The following CNTNAP2 variants were observed in gnomAD, a reference collection of about 807,000 sequenced individuals.
CNTNAP2 encodes contactin-associated protein-like 2.
Under a neutral mutation model 155.2 loss-of-function variants are expected in CNTNAP2, and 98 were observed. The ratio of observed to expected loss-of-function variants is 0.63; its 90% CI spans 0.54 to 0.75. The LOEUF (loss-of-function observed/expected upper bound fraction) is 0.75. CNTNAP2 is among the 30% of genes least tolerant of loss of function. CNTNAP2 has a pLI of 0.00. For missense variants in CNTNAP2, 1,727 were observed against 1,688.1 expected (o/e 1.02, Z -0.40); for synonymous variants, 651 against 631.2 (o/e 1.03, Z -0.47).
chr7:146,478,120 G>A (rs1001084021), intron 1 of CNTNAP2, among the ~76,000 whole-genome samples: 1 of 152,122 alleles, frequency 6.6e-6, no homozygotes, highest in African/African-American at 2.4e-5. Flanking sequence ...TGGAGGTTTA[G>A]TCTGAGTTTG....
chr7:147,639,064 CAT>C, intron 12 of CNTNAP2, 40 bp from the exon 13 acceptor site: 1 of 1,580,734 alleles, frequency 6.3e-7, no homozygotes, highest in Non-Finnish European at 8.7e-7. Flanking sequence ...GAAGCATTTG[CAT>C]ACTAATGATC....
At chr7:146,555,367 C>T (rs1302986681) in intron 1 of CNTNAP2, among the ~76,000 whole-genome samples, 1 of 151,700 alleles carries the variant, frequency 6.6e-6, no homozygotes, top group Non-Finnish European at 1.5e-5. Context: ...CTAATCTAAT[C>T]TTTTATTCTA....
At chr7:147,556,184 G>A (rs146667757) in intron 11 of CNTNAP2, among the ~76,000 whole-genome samples, 63 of 152,138 alleles carry the variant, frequency 4.1e-4, no homozygotes, top group Middle Eastern at 3.4e-3. Flanking sequence ...TCATTCTTCC[G>A]TCTTTCTTTA....
chr7:147,148,494 A>G (rs909141065), intron 8 of CNTNAP2, among the ~76,000 whole-genome samples: 6 of 152,222 alleles, frequency 3.9e-5, no homozygotes, highest in Admixed American at 2.0e-4. Context: ...CAGAAGTCCT[A>G]TGACTTGTAA....
At chr7:148,138,386 T>C (rs1456435467) in intron 16 of CNTNAP2, among the ~76,000 whole-genome samples, 1 of 152,188 alleles carries the variant, frequency 6.6e-6, no homozygotes, top group Non-Finnish European at 1.5e-5. Flanking sequence ...TTTTATTACC[T>C]CCTTTGGATG....
At chr7:148,175,979 C>G (rs1794926981) in intron 18 of CNTNAP2, among the ~76,000 whole-genome samples, 1 of 152,108 alleles carries the variant, frequency 6.6e-6, no homozygotes, top group African/African-American at 2.4e-5. Flanking sequence ...CTTTCCCTCT[C>G]TCCCTTTCTT....
chr7:148,252,415 C>A (rs1189172347), intron 20 of CNTNAP2, among the ~76,000 whole-genome samples: 1 of 152,164 alleles, frequency 6.6e-6, no homozygotes, highest in Non-Finnish European at 1.5e-5. Context: ...ATCTGAAGTC[C>A]TCCCTGGGAT....
At chr7:148,190,059 A>C (rs1795180187) in intron 18 of CNTNAP2, 1 of 152,220 alleles carries the variant, frequency 6.6e-6, no homozygotes, top group Non-Finnish European at 1.5e-5. Context: ...CGTGATATCT[A>C]GTTTTCCTCT....
chr7:147,858,271 G>A (rs539044431), intron 13 of CNTNAP2, among the ~76,000 whole-genome samples: 4 of 151,982 alleles, frequency 2.6e-5, no homozygotes, highest in Non-Finnish European at 5.9e-5. Flanking sequence ...ATTCTTAGTA[G>A]AGACAGGGTT....
chr7:146,463,639 C>T (rs997306190), intron 1 of CNTNAP2, among the ~76,000 whole-genome samples: 7 of 151,218 alleles, frequency 4.6e-5, no homozygotes, highest in African/African-American at 1.5e-4. Flanking sequence ...TGTATGAATA[C>T]GAGTAATATA....
At chr7:147,467,598 G>A (rs188847793) in intron 10 of CNTNAP2, among the ~76,000 whole-genome samples, 128 of 152,226 alleles carry the variant, frequency 8.4e-4, no homozygotes, top group African/African-American at 2.9e-3. Context: ...TTTGGGCGAC[G>A]GATACATTAA....
chr7:147,553,281 A>G (rs1402379060), intron 11 of CNTNAP2, among the ~76,000 whole-genome samples: 1 of 152,184 alleles, frequency 6.6e-6, no homozygotes, highest in South Asian at 2.1e-4. Context: ...GATGCAGCCA[A>G]TGGAAAAAAG....
At chr7:148,402,477 A>G (rs1799609392) in intron 22 of CNTNAP2, among the ~76,000 whole-genome samples, 1 of 152,232 alleles carries the variant, frequency 6.6e-6, no homozygotes, top group African/African-American at 2.4e-5. Context: ...ATCCTCTCTT[A>G]AAATAAAACA....
intron 1 of CNTNAP2, among the ~76,000 whole-genome samples, chr7:146,683,383 G>C (rs1210502285): frequency 6.6e-6 from 1 of 152,082 alleles, no homozygotes; most frequent in Admixed American, 6.6e-5. Context: ...GGGAATCCTT[G>C]TTGCTTAATA....
At chr7:146,519,910 G>A (rs1797593516) in intron 1 of CNTNAP2, among the ~76,000 whole-genome samples, 1 of 151,740 alleles carries the variant, frequency 6.6e-6, no homozygotes, top group South Asian at 2.1e-4. Flanking sequence ...TAGCCTCTCT[G>A]AGGAATTCAG....
At chr7:147,920,805 CTTTTTT>C (rs1219556681) in intron 14 of CNTNAP2, among the ~76,000 whole-genome samples, 1 of 100,654 alleles carries the variant, frequency 9.9e-6, no homozygotes, top group East Asian at 2.7e-4. Context: ...CTGCTCCTGT[CTTTTTT>C]TTTTTTTTTT....
At chr7:147,623,691 A>G (rs1471060403) in intron 12 of CNTNAP2, among the ~76,000 whole-genome samples, 1 of 152,042 alleles carries the variant, frequency 6.6e-6, no homozygotes, top group African/African-American at 2.4e-5. Flanking sequence ...AGTGATCTAT[A>G]GATTCAGTGT....
At chr7:148,303,570 T>G (rs1355751520) in intron 21 of CNTNAP2, among the ~76,000 whole-genome samples, 1 of 152,216 alleles carries the variant, frequency 6.6e-6, no homozygotes, top group African/African-American at 2.4e-5. Context: ...AAGCTGAGAA[T>G]GCAATAGTGA....
At chr7:148,187,516 A>G (rs1332163504) in intron 18 of CNTNAP2, among the ~76,000 whole-genome samples, 1 of 152,216 alleles carries the variant, frequency 6.6e-6, no homozygotes, top group East Asian at 1.9e-4. Flanking sequence ...ACGTAAAACG[A>G]GCTTCTGATG....
Sources: allele counts gnomAD v4.1 joint callset (sites outside exome capture counted in the v4.1 genomes callset), GRCh38; gene constraint gnomAD v4.1.1; transcripts MANE v1.5; gene names NCBI Gene and HGNC (gene_info 2026-07-23, HGNC 2026-07-21).